Variants in PAPPA observed in about 807,000 individuals in gnomAD.
PAPPA encodes the protein pappalysin 1.
Under a neutral mutation model 164.0 loss-of-function variants are expected in PAPPA, and 60 were observed. That is an observed-to-expected ratio of 0.37 (90% CI 0.30 to 0.45). PAPPA has a LOEUF of 0.45. PAPPA is among the 20% of genes least tolerant of loss of function. The pLI is 1.00. For synonymous variants in PAPPA, 875 were observed against 814.1 expected (o/e 1.07, Z -1.27); for missense variants, 1,782 against 2,087.3 (o/e 0.85, Z 2.85).
intron 2 of PAPPA, among the ~76,000 whole-genome samples, chr9:116,192,768 C>T (rs745471006): frequency 6.6e-6 from 1 of 152,228 alleles, no homozygotes; most frequent in Non-Finnish European, 1.5e-5. Context: ...ACTTCATCTG[C>T]AGCCATTAGA....
At chr9:116,228,285 T>C (rs983978583) in intron 6 of PAPPA, among the ~76,000 whole-genome samples, 1 of 152,176 alleles carries the variant, frequency 6.6e-6, no homozygotes, top group Non-Finnish European at 1.5e-5. Flanking sequence ...TTCCTCTTAG[T>C]CTTTCATCTC....
At chr9:116,219,451 GA>G (rs1844415256) in intron 4 of PAPPA, among the ~76,000 whole-genome samples, 2 of 152,222 alleles carry the variant, frequency 1.3e-5, no homozygotes, top group South Asian at 4.1e-4. Flanking sequence ...ATGAGTGGAT[GA>G]AAGAATGTGA....
chr9:116,290,470 G>A (rs943908315), intron 9 of PAPPA, among the ~76,000 whole-genome samples: 1 of 151,890 alleles, frequency 6.6e-6, no homozygotes, highest in Non-Finnish European at 1.5e-5. Flanking sequence ...CAGCTAAAAG[G>A]GATCACAAAG....
intron 1 of PAPPA, among the ~76,000 whole-genome samples, chr9:116,162,584 T>C (rs1471044030): frequency 6.6e-6 from 1 of 152,178 alleles, no homozygotes; most frequent in Non-Finnish European, 1.5e-5. Context: ...TTACTTAGTA[T>C]CTCCAAGCTT....
chr9:116,330,023 T>C (rs951975249), intron 10 of PAPPA, among the ~76,000 whole-genome samples: 2 of 152,236 alleles, frequency 1.3e-5, no homozygotes, highest in Admixed American at 1.3e-4. Flanking sequence ...CTTTTGTTTT[T>C]GCTTGTTTTA....
In PAPPA at chr9:116,187,652, G is replaced by T. The variant is rs1843990375; in HGVS notation, c.914G>T (p.Ser305Ile). The change falls in exon 2 of 22, where the codon AGC (serine) becomes ATC (isoleucine). Residue 305 changes from serine (S) to isoleucine (I), a missense_variant. Transcript: ENST00000328252. The surrounding 1 kb of genome is among the most constrained non-coding windows in gnomAD (Gnocchi z 4.2). ...HAWSPMKDGSSPKVEFSNAHG... is the reference protein window; with the variant it reads ...HAWSPMKDGSIPKVEFSNAHG... ...TGGTCCCCCATGAAGGATGGCAGCA[G>T]CCCCAAAGTGGAATTCAGCAATGCC... 1 of 1,614,242 alleles carries T rather than the reference G, an allele frequency of 6.2e-7. No individual in the cohort carries two copies. The highest frequency in any genetic ancestry group is 8.5e-7 in the Non-Finnish European group (1 of 1,180,044).
chr9:116,332,262 C>T (rs1846002375), intron 11 of PAPPA, 71 bp from the exon 12 acceptor site: 19 of 1,397,494 alleles, frequency 1.4e-5, no homozygotes, highest in Middle Eastern at 2.4e-4. Context: ...CTCAAATGCA[C>T]CCCAATGTGG....
Position 116,154,399 on chromosome 9 carries a change from G to C in PAPPA, c.227G>C (p.Arg76Pro). Residue 76 changes from arginine to proline, a missense_variant, in exon 1 of 22, where the codon CGG becomes CCG. Physicochemically the swap from Arg to Pro is moderately radical, Grantham distance 103. This residue lies in a region of PAPPA where 458 missense variants were observed against 430.3 expected (regional missense o/e 1.06). Coordinates refer to ENST00000328252, the MANE Select transcript of PAPPA (RefSeq NM_002581.5). The surrounding 1 kb of genome is among the most constrained non-coding windows in gnomAD (Gnocchi z 5.2). ...GGAWEAVRVP[R>P]RRQQREARGA... Reference sequence around the variant, plus strand: ...GCCTGGGAAGCCGTGCGCGTCCCCCGGCGGCGGCAGCAGCGGGAGGCGAGG... The same window carrying C: ...GCCTGGGAAGCCGTGCGCGTCCCCCCGCGGCGGCAGCAGCGGGAGGCGAGG... 2 of 1,156,950 alleles carry C rather than the reference G, an allele frequency of 1.7e-6. No individual in the cohort carries two copies. Among genetic ancestry groups the C allele is most frequent in the Non-Finnish European group, 2.2e-6 (2 of 914,710 alleles). 71.7% of individuals were successfully genotyped at this position (1,156,950 alleles called of 1,614,324 possible). A position where few individuals can be genotyped will look rare whatever the true frequency, so the allele number is the denominator to read the frequency against.
rs1277197049 is a variant in PAPPA, at chr9:116,400,514, T to C, written c.*3898T>C. 2 of 152,136 alleles carry C rather than the reference T, an allele frequency of 1.3e-5. No homozygotes were observed. Among genetic ancestry groups the C allele is most frequent in the African/African-American group, 4.8e-5 (2 of 41,440 alleles). The allele number at this position is 152,136 out of a possible 1,614,324, so 9.4% of individuals were successfully genotyped here. ...CTATTAAGGGGACATATTGTGTCGT[T>C]GTGCTTTTCACGTTATAAAATGTTT... is the stretch of plus-strand genomic sequence containing the variant. On this transcript the variant is annotated 3_prime_UTR_variant, in exon 22 of 22. Coordinates refer to ENST00000328252, the MANE Select transcript of PAPPA (RefSeq NM_002581.5).
In PAPPA at chr9:116,227,984, T is replaced by C. The variant is rs977120947; in HGVS notation, c.2233+432T>C. Among the ~76,000 whole-genome samples, 3 of 152,304 alleles carry C rather than the reference T, an allele frequency of 2.0e-5. No individual in the cohort carries two copies. The South Asian group carries it at 6.2e-4, about 32-fold the overall frequency. On this transcript the variant is annotated intron_variant, in intron 6 of 21. Coordinates refer to ENST00000328252, the MANE Select transcript of PAPPA (RefSeq NM_002581.5). ...ATTTCTTAGACTATACAGAGCACTT[T>C]CACATGTGTTGCAACTATTCCTTTT...
intron 10 of PAPPA, 118 bp downstream of exon 10, chr9:116,303,068 A>T: frequency 1.4e-6 from 1 of 730,712 alleles, no homozygotes; most frequent in Non-Finnish European, 2.3e-6. Context: ...GCATATCTTT[A>T]TTAAATGTAC....
chr9:116,375,442 A>G (rs969743292), intron 19 of PAPPA, among the ~76,000 whole-genome samples: 1 of 152,232 alleles, frequency 6.6e-6, no homozygotes, highest in Non-Finnish European at 1.5e-5. Flanking sequence ...TGTTTAGAGG[A>G]CAAGTCTAGT....
At chr9:116,213,823 A>T (rs540118470) in intron 4 of PAPPA, among the ~76,000 whole-genome samples, 2 of 152,178 alleles carry the variant, frequency 1.3e-5, no homozygotes, top group African/African-American at 4.8e-5. Flanking sequence ...GGCAACCACG[A>T]TCTTTGAAAT....
chr9:116,376,859 C>G (rs1286518908), intron 19 of PAPPA, among the ~76,000 whole-genome samples: 1 of 152,104 alleles, frequency 6.6e-6, no homozygotes, highest in Non-Finnish European at 1.5e-5. Flanking sequence ...ACCAGTATGA[C>G]ACGGCAGCAG....
chr9:116,169,480 C>A (rs1843752870), intron 1 of PAPPA, among the ~76,000 whole-genome samples: 1 of 151,332 alleles, frequency 6.6e-6, no homozygotes. Context: ...CCACCACGCC[C>A]AGCTAATTTT....
At chr9:116,237,170 C>A (rs1388223093) in intron 7 of PAPPA, among the ~76,000 whole-genome samples, 1 of 152,234 alleles carries the variant, frequency 6.6e-6, no homozygotes, top group African/African-American at 2.4e-5. Context: ...ACTTTACCAG[C>A]ACTTCCTTTT....
chr9:116,196,689 A>G (rs1844107322), intron 2 of PAPPA, among the ~76,000 whole-genome samples: 1 of 152,190 alleles, frequency 6.6e-6, no homozygotes. Flanking sequence ...TTGTTTGCAT[A>G]ACTAGAATAT....
At chr9:116,195,689 G>A (rs1844095746) in intron 2 of PAPPA, among the ~76,000 whole-genome samples, 1 of 152,144 alleles carries the variant, frequency 6.6e-6, no homozygotes, top group Admixed American at 6.5e-5. Context: ...TGTTATTGCT[G>A]CTGTTGTTTG....
chr9:116,301,834 CT>C lies in PAPPA; in HGVS notation c.2954-920del, dbSNP rs371773285. Among the ~76,000 whole-genome samples the C allele has an allele frequency of 1.7e-4, 26 of 152,336 alleles. No individual in the cohort carries two copies. In the East Asian group the frequency reaches 5.0e-3, roughly 29 times the overall value. On this transcript the variant is annotated intron_variant, in intron 9 of 21. Transcript: ENST00000328252. The stretch of plus-strand genomic sequence containing the variant: ...TCTTGGTGTCTCAATAGTGTAACCT[CT>C]TTCTCTGCTCTGATGGTTGAGCCCA...
Sources: gnomAD v4.1 joint callset for allele counts (sites outside exome capture counted in the v4.1 genomes callset) on GRCh38, gnomAD v4.1.1 for gene constraint, gnomAD v4.1.1 regional missense constraint, Gnocchi (gnomAD v3.1) non-coding constraint, MANE v1.5 for transcripts, NCBI Gene and HGNC (gene_info 2026-07-23, HGNC 2026-07-21) for gene names.